The following CACNA1E variants were observed in gnomAD, a reference collection of about 807,000 sequenced individuals.
The protein encoded by CACNA1E is calcium voltage-gated channel subunit alpha1 E.
Under a neutral mutation model 259.2 loss-of-function variants are expected in CACNA1E, and 40 were observed. The ratio of observed to expected loss-of-function variants is 0.15; its 90% confidence interval spans 0.12 to 0.20. The LOEUF (loss-of-function observed/expected upper bound fraction) is 0.20. CACNA1E is among the 10% of genes least tolerant of loss of function. CACNA1E has a pLI of 1.00. For missense variants in CACNA1E, 1,874 were observed against 3,040.1 expected, an observed-to-expected ratio of 0.62 and a Z score of 9.02; for synonymous variants, 1,104 against 1,138.5, an observed-to-expected ratio of 0.97 and a Z score of 0.61.
intron 7 of CACNA1E, among the ~76,000 whole-genome samples, chr1:181,669,204 T>G (rs1648547946): frequency 1.3e-5 from 2 of 152,154 alleles, no homozygotes; most frequent in African/African-American, 4.8e-5. Context: ...ACAAATAGAT[T>G]AATCACAAAA....
chr1:181,530,164 T>A (rs1164893773), intron 3 of CACNA1E, among the ~76,000 whole-genome samples: 1 of 152,110 alleles, frequency 6.6e-6, no homozygotes, highest in Non-Finnish European at 1.5e-5. Context: ...ATCTGATGGG[T>A]TTATCGGGGT....
chr1:181,650,250 A>G (rs1658639196), intron 6 of CACNA1E, among the ~76,000 whole-genome samples: 2 of 152,254 alleles, frequency 1.3e-5, no homozygotes, highest in African/African-American at 2.4e-5. Context: ...ATACTTTGCT[A>G]TAGAAATTCT....
At chr1:181,566,937 C>T (rs1649893107) in intron 3 of CACNA1E, among the ~76,000 whole-genome samples, 1 of 151,934 alleles carries the variant, frequency 6.6e-6, no homozygotes, top group South Asian at 2.1e-4. Context: ...GGAGGGGTTG[C>T]CACAGGTATC....
chr1:181,457,719 C>T (rs1337440708), intron 2 of CACNA1E, among the ~76,000 whole-genome samples: 1 of 152,222 alleles, frequency 6.6e-6, no homozygotes, highest in African/African-American at 2.4e-5. Flanking sequence ...CAAGTGCTTA[C>T]CTGCTCACCA....
At chr1:181,745,224 ATG>A (rs907821070) in intron 25 of CACNA1E, 1 of 305,124 alleles carries the variant, frequency 3.3e-6, no homozygotes, top group African/African-American at 2.2e-5. Flanking sequence ...ACGCTGGAAA[ATG>A]TGTTGTCTGC....
At chr1:181,761,221 T>G (rs1244095102) in intron 32 of CACNA1E, among the ~76,000 whole-genome samples, 1 of 152,206 alleles carries the variant, frequency 6.6e-6, no homozygotes, top group Non-Finnish European at 1.5e-5. Flanking sequence ...TGTATCCAAT[T>G]AAGTGATGTT....
intron 25 of CACNA1E, among the ~76,000 whole-genome samples, chr1:181,743,369 G>A (rs1171753692): frequency 6.6e-6 from 1 of 152,184 alleles, no homozygotes; most frequent in Non-Finnish European, 1.5e-5. Flanking sequence ...GCTTTGTCTA[G>A]TTTCCACACA....
intron 1 of CACNA1E, among the ~76,000 whole-genome samples, chr1:181,394,293 T>C (rs147242898): frequency 5.3e-5 from 8 of 152,376 alleles, no homozygotes; most frequent in African/African-American, 1.9e-4. Flanking sequence ...AGATAGCATA[T>C]TTAAAGTGTC....
At chr1:181,714,900 C>T (rs1009882470) in intron 8 of CACNA1E, among the ~76,000 whole-genome samples, 1 of 152,096 alleles carries the variant, frequency 6.6e-6, no homozygotes, top group Non-Finnish European at 1.5e-5. Context: ...GGGCTCAGCT[C>T]CTGAATGAGG....
At chr1:181,603,164 G>C (rs951950946) in intron 6 of CACNA1E, among the ~76,000 whole-genome samples, 2 of 152,328 alleles carry the variant, frequency 1.3e-5, no homozygotes, top group South Asian at 4.1e-4. Flanking sequence ...GTGGTGAAAG[G>C]ATGAGGGTAA....
chr1:181,668,362 A>C (rs1323902280), intron 7 of CACNA1E, among the ~76,000 whole-genome samples: 7 of 152,104 alleles, frequency 4.6e-5, no homozygotes, highest in African/African-American at 1.7e-4. Flanking sequence ...CATGGTATGG[A>C]TATACCACGG....
chr1:181,650,124 G>A (rs1393497744), intron 6 of CACNA1E, among the ~76,000 whole-genome samples: 2 of 152,150 alleles, frequency 1.3e-5, no homozygotes. Flanking sequence ...GAGATAATTT[G>A]GAAGAAAACA....
chr1:181,735,211 C>T (rs947548680), intron 21 of CACNA1E, among the ~76,000 whole-genome samples: 3 of 152,222 alleles, frequency 2.0e-5, no homozygotes, highest in Non-Finnish European at 4.4e-5. Context: ...ACCCACAGCT[C>T]TTTTGGTGTT....
intron 6 of CACNA1E, among the ~76,000 whole-genome samples, chr1:181,641,654 C>T (rs142960064): frequency 9.0e-4 from 135 of 149,598 alleles, no homozygotes; most frequent in Middle Eastern, 3.5e-3. Flanking sequence ...TCATGGTCTT[C>T]AACCTCGGGT....
At chr1:181,389,354 T>A (rs1436902342) in intron 1 of CACNA1E, among the ~76,000 whole-genome samples, 1 of 152,198 alleles carries the variant, frequency 6.6e-6, no homozygotes, top group Non-Finnish European at 1.5e-5. Context: ...ACAAGGAGAC[T>A]TCGTGTTACC....
At chr1:181,348,038 C>A (rs891544572) in intron 1 of CACNA1E, among the ~76,000 whole-genome samples, 4 of 152,228 alleles carry the variant, frequency 2.6e-5, no homozygotes, top group South Asian at 2.1e-4. Flanking sequence ...AGACCTTCCA[C>A]CCAGGCTTGG....
intron 6 of CACNA1E, among the ~76,000 whole-genome samples, chr1:181,610,839 AT>A (rs956879731): frequency 1.3e-5 from 2 of 152,172 alleles, no homozygotes; most frequent in African/African-American, 2.4e-5. Context: ...GGAAGTAGCT[AT>A]TTTTATTGGA....
intron 1 of CACNA1E, among the ~76,000 whole-genome samples, chr1:181,504,218 G>A (rs55756830): frequency 0.28 from 43,291 of 152,000 alleles, 6,485 homozygotes; most frequent in African/African-American, 0.35. Context: ...CTGGGGTGAG[G>A]GGTGGAAATG....
At chr1:181,472,633 C>T (rs1662585024) in intron 2 of CACNA1E, among the ~76,000 whole-genome samples, 1 of 152,236 alleles carries the variant, frequency 6.6e-6, no homozygotes, top group African/African-American at 2.4e-5. Context: ...TTTTAATACA[C>T]ATCTCTACCA....
Sources: allele counts gnomAD v4.1 joint callset (sites outside exome capture counted in the v4.1 genomes callset), GRCh38; gene constraint gnomAD v4.1.1; transcripts MANE v1.5; gene names NCBI Gene and HGNC (gene_info 2026-07-23, HGNC 2026-07-21).